The following GLRB variants were observed in gnomAD, a reference collection of about 807,000 sequenced individuals.
GLRB encodes the protein glycine receptor beta.
In GLRB, 33 loss-of-function variants were observed where a neutral mutation model predicts 54.2. The ratio of observed to expected loss-of-function variants is 0.61; its 90% CI spans 0.46 to 0.81. The LOEUF (loss-of-function observed/expected upper bound fraction) is 0.81. Ranked by LOEUF, GLRB falls within the 40% of genes least tolerant of loss-of-function variation. The pLI is 0.00. For missense variants in GLRB, 572 were observed against 584.6 expected (o/e 0.98, Z 0.22); for synonymous variants, 209 against 208.2 (o/e 1.00, Z -0.03).
rs143539995 is a variant in GLRB, at chr4:157,136,586, T to C, written c.415T>C (p.Trp139Arg). Residue 139 changes from tryptophan (W) to arginine (R), a missense_variant, in exon 5 of 10, where the codon TGG (tryptophan) becomes CGG (arginine). Transcript: ENST00000264428. ...GGATCCAACAATGTACAAGTGTTTA[T>C]GGAAACCTGATTTATTTTTTGCAAA... is the stretch of plus-strand genomic sequence containing the variant. Reference protein sequence around the residue: ...TVDPTMYKCLWKPDLFFANEK... With the variant: ...TVDPTMYKCLRKPDLFFANEK... 5 of 1,612,644 alleles carry C rather than the reference T, an allele frequency of 3.1e-6. No individual in the cohort carries two copies. In the African/African-American group the frequency reaches 6.7e-5, roughly 22 times the overall value.
intron 9 of GLRB, 127 bp from the exon 10 acceptor site, chr4:157,170,305 T>C (rs769856127): frequency 9.3e-6 from 6 of 647,292 alleles, no homozygotes; most frequent in Non-Finnish European, 1.6e-5. Flanking sequence ...CCATTCTCTC[T>C]GTTAGTTCTT....
intron 9 of GLRB, among the ~76,000 whole-genome samples, chr4:157,166,584 T>C (rs1437859551): frequency 6.6e-6 from 1 of 152,090 alleles, no homozygotes; most frequent in Non-Finnish European, 1.5e-5. Flanking sequence ...TTATTCAGTA[T>C]GTCATTATCA....
At position 157,136,478 on chromosome 4, in the gene GLRB, G is replaced by A. The variant is rs1303450282; in HGVS notation, c.307G>A (p.Val103Ile). The A allele has an allele frequency of 9.4e-6, 15 of 1,591,522 alleles. No individual in the cohort carries two copies. Among genetic ancestry groups the A allele is most frequent in the Non-Finnish European group, 1.3e-5 (15 of 1,159,632 alleles). The change falls in exon 5 of 10, where the codon GTT becomes ATT. Residue 103 changes from valine (V) to isoleucine (I), a missense_variant. Coordinates refer to ENST00000264428, the MANE Select transcript of GLRB (RefSeq NM_000824.5). Reference protein sequence around the residue: ...SIQETTMDYRVNIFLRQKWND... With the variant: ...SIQETTMDYRINIFLRQKWND... ...TGTACTTTTTCTTCAGGACTATAGAGTTAACATCTTCCTGAGACAAAAATG... is the reference window on the plus strand; with the variant it reads ...TGTACTTTTTCTTCAGGACTATAGAATTAACATCTTCCTGAGACAAAAATG...
intron 2 of GLRB, among the ~76,000 whole-genome samples, chr4:157,082,628 A>C (rs2126423453): frequency 6.6e-6 from 1 of 152,238 alleles, no homozygotes; most frequent in East Asian, 1.9e-4. Context: ...GCAGCTAGGT[A>C]ATTAGTGGAA....
At chr4:157,120,873 G>A (rs1210876839) in intron 3 of GLRB, among the ~76,000 whole-genome samples, 1 of 151,518 alleles carries the variant, frequency 6.6e-6, no homozygotes, top group Admixed American at 6.6e-5. Flanking sequence ...TTGTTTTATA[G>A]GTTACCTGTT....
chr4:157,161,000 A>T (rs1380619114), intron 9 of GLRB, among the ~76,000 whole-genome samples: 1 of 152,172 alleles, frequency 6.6e-6, no homozygotes, highest in African/African-American at 2.4e-5. Context: ...GACTTGCTTT[A>T]TGAATCTGGG....
chr4:157,084,619 A>G (rs1734341220), intron 2 of GLRB: 2 of 456,180 alleles, frequency 4.4e-6, no homozygotes, highest in Non-Finnish European at 8.8e-6. Flanking sequence ...GTGTGTGCAT[A>G]TGTAAATGGT....
intron 2 of GLRB, among the ~76,000 whole-genome samples, chr4:157,087,118 T>C (rs1579184667): frequency 1.3e-5 from 2 of 152,312 alleles, no homozygotes; most frequent in East Asian, 3.9e-4. Flanking sequence ...TTATGCTTGC[T>C]AGTTCAAAGA....
chr4:157,122,240 T>C (rs1735851871), intron 3 of GLRB, 90 bp from the exon 4 acceptor site: 1 of 581,340 alleles, frequency 1.7e-6, no homozygotes, highest in East Asian at 2.9e-5. Flanking sequence ...GGAAAAAATA[T>C]AATAATTAAA....
intron 2 of GLRB, among the ~76,000 whole-genome samples, chr4:157,111,435 G>T (rs772371017): frequency 1.3e-5 from 2 of 151,998 alleles, no homozygotes; most frequent in African/African-American, 4.8e-5. Context: ...GATGCTAGGT[G>T]TATGGTCCAA....
At chr4:157,080,515 G>A (rs571622289) in intron 2 of GLRB, among the ~76,000 whole-genome samples, 8 of 152,108 alleles carry the variant, frequency 5.3e-5, no homozygotes, top group Admixed American at 4.6e-4. Context: ...GAAGACTAGG[G>A]TTGTCCCTGA....
intron 8 of GLRB, among the ~76,000 whole-genome samples, chr4:157,145,262 C>T (rs1005317302): frequency 5.3e-5 from 8 of 152,114 alleles, no homozygotes; most frequent in Non-Finnish European, 1.2e-4. Context: ...GCTGAAAGTT[C>T]AATGGCTGAA....
intron 2 of GLRB, among the ~76,000 whole-genome samples, chr4:157,083,433 G>A (rs1553991684): frequency 6.6e-6 from 1 of 152,078 alleles, no homozygotes; most frequent in Non-Finnish European, 1.5e-5. Flanking sequence ...AATTGATTAG[G>A]GAGGGAGGTA....
intron 2 of GLRB, among the ~76,000 whole-genome samples, chr4:157,096,645 G>A (rs777840113): frequency 1.3e-4 from 20 of 152,138 alleles, no homozygotes; most frequent in Non-Finnish European, 1.5e-5. Context: ...TGGGATCTGT[G>A]CCCAGGACAC....
At chr4:157,136,406 C>A in intron 4 of GLRB, 63 bp from the exon 5 acceptor site, 2 of 945,336 alleles carry the variant, frequency 2.1e-6, no homozygotes, top group Non-Finnish European at 3.4e-6. Context: ...TGTTTTGGGG[C>A]CGAATAAGTT....
intron 8 of GLRB, among the ~76,000 whole-genome samples, chr4:157,144,442 TC>T (rs1432647250): frequency 6.6e-6 from 1 of 152,192 alleles, no homozygotes; most frequent in Non-Finnish European, 1.5e-5. Flanking sequence ...TGGTTGCCTG[TC>T]CCTTGAGGGC....
At chr4:157,138,409 A>G (rs1736487302) in intron 6 of GLRB, among the ~76,000 whole-genome samples, 1 of 152,160 alleles carries the variant, frequency 6.6e-6, no homozygotes, top group African/African-American at 2.4e-5. Flanking sequence ...TTCAATGATT[A>G]CATTTCTTTT....
chr4:157,118,528 A>G (rs1735688056), intron 2 of GLRB, among the ~76,000 whole-genome samples: 1 of 151,590 alleles, frequency 6.6e-6, no homozygotes, highest in Non-Finnish European at 1.5e-5. Context: ...TAAAGCCACA[A>G]GAAGCAATTT....
intron 2 of GLRB, among the ~76,000 whole-genome samples, chr4:157,089,620 T>C (rs974981138): frequency 5.3e-5 from 8 of 152,160 alleles, no homozygotes; most frequent in South Asian, 2.1e-4. Flanking sequence ...ACCACCTTCA[T>C]TGGCTATTTC....
Sources: gnomAD v4.1 joint callset for allele counts (sites outside exome capture counted in the v4.1 genomes callset) on GRCh38, gnomAD v4.1.1 for gene constraint, MANE v1.5 for transcripts, NCBI Gene and HGNC (gene_info 2026-07-23, HGNC 2026-07-21) for gene names.